The following SMAD4 variants were observed in gnomAD, a reference collection of about 807,000 sequenced individuals.
SMAD4 encodes the protein SMAD family member 4.
A neutral mutation model predicts 63.2 loss-of-function variants in SMAD4; 7 were observed. The ratio of observed to expected loss-of-function variants is 0.11; its 90% CI spans 0.06 to 0.21. The LOEUF (loss-of-function observed/expected upper bound fraction) is 0.21, where lower values mean the gene tolerates loss of function less well. Among genes scored for constraint, SMAD4 ranks in the 10% least tolerant of loss-of-function variants. The probability of loss-of-function intolerance (pLI) is 1.00; values close to 1 mark genes in which losing one functional copy is unlikely to be tolerated. For synonymous variants in SMAD4, 215 were observed against 235.4 expected, an observed-to-expected ratio of 0.91 and a Z score of 0.79; for missense variants, 312 against 693.8, an observed-to-expected ratio of 0.45 and a Z score of 6.18.
chr18:51,073,276 G>A (rs541601503), intron 10 of SMAD4, among the ~76,000 whole-genome samples: 69 of 149,626 alleles, frequency 4.6e-4, no homozygotes, highest in Middle Eastern at 6.9e-3. Flanking sequence ...TAAATGACTC[G>A]TGGGGGTGGG....
chr18:51,080,012 G>T lies in SMAD4; in HGVS notation c.*1545G>T, dbSNP rs969842987. 27 of 227,948 alleles carry T rather than the reference G, an allele frequency of 1.2e-4. No homozygotes were observed. Among genetic ancestry groups the T allele is most frequent in the Admixed American group, 1.7e-4 (3 of 17,576 alleles). 14.1% of individuals were successfully genotyped at this position (227,948 alleles called of 1,614,324 possible). A position where few individuals can be genotyped will look rare whatever the true frequency, so the allele number is the denominator to read the frequency against. ...ATTTTACTATAGCAGAAATAGACCT[G>T]ATTATCTACAAGATGATAAATAGAT... is the stretch of plus-strand genomic sequence containing the variant. On this transcript the variant is annotated 3_prime_UTR_variant, in exon 12 of 12. Coordinates refer to ENST00000342988, the MANE Select transcript of SMAD4 (RefSeq NM_005359.6).
At chr18:51,039,881 T>G (rs1190089566) in intron 1 of SMAD4, among the ~76,000 whole-genome samples, 1 of 152,184 alleles carries the variant, frequency 6.6e-6, no homozygotes, top group Non-Finnish European at 1.5e-5. Context: ...GTCATTCATC[T>G]TAAAAGTTAA....
chr18:51,033,953 C>G (rs966465422), intron 1 of SMAD4, among the ~76,000 whole-genome samples: 4 of 152,090 alleles, frequency 2.6e-5, no homozygotes, highest in Non-Finnish European at 5.9e-5. Flanking sequence ...TGATGAGTTG[C>G]TACTGCAAAT....
intron 2 of SMAD4, among the ~76,000 whole-genome samples, chr18:51,047,720 T>A (rs1216790042): frequency 6.6e-6 from 1 of 151,788 alleles, no homozygotes; most frequent in Non-Finnish European, 1.5e-5. Context: ...GCAATCCTCC[T>A]GCCTCAGCCT....
chr18:51,052,989 T>C (rs768221511), intron 4 of SMAD4: 1 of 152,408 alleles, frequency 6.6e-6, no homozygotes, highest in Non-Finnish European at 1.5e-5. Context: ...ACATTTATTA[T>C]GGATTATCTG....
intron 8 of SMAD4, among the ~76,000 whole-genome samples, chr18:51,062,851 GTTTTTTTTTTT>G (rs71171374): frequency 1.5e-5 from 1 of 65,386 alleles, no homozygotes; most frequent in Non-Finnish European, 2.7e-5. Flanking sequence ...GGCTTTACTT[GTTTTTTTTTTT>G]TTTTTTTTTT....
At position 51,054,788 on chromosome 18, in the gene SMAD4, A is replaced by G. The variant is rs2144417764; in HGVS notation, c.462A>G (p.Ser154=). The G allele has an allele frequency of 6.2e-7, 1 of 1,609,900 alleles. No individual in the cohort carries two copies. Among genetic ancestry groups the G allele is most frequent in the Non-Finnish European group, 8.5e-7 (1 of 1,176,106 alleles). Residue 154 remains serine (S), a synonymous_variant, in exon 5 of 12, where the codon TCA becomes TCG. Coordinates refer to ENST00000342988, the MANE Select transcript of SMAD4 (RefSeq NM_005359.6). ...SGLTLQSNAP[S]SMMVKDEYVH... is the part of the protein sequence containing the mutation. ...GTTTAATTTTCTATATAGCTCCATCAAGTATGATGGTGAAGGATGAATATG... is the reference window on the plus strand; with the variant it reads ...GTTTAATTTTCTATATAGCTCCATCGAGTATGATGGTGAAGGATGAATATG...
rs751539807 is a variant in SMAD4 at position 51,076,640 on chromosome 18, C to G, written c.1311C>G (p.Val437=). 2.5e-6 allele frequency: 4 copies of G among 1,613,580 alleles called. No homozygotes were observed. The highest frequency in any genetic ancestry group is 2.5e-6 in the Non-Finnish European group (3 of 1,179,694). Residue 437 remains valine (V), a splice_region_variant and synonymous_variant, in exon 11 of 12, where the codon GTC becomes GTG. Transcript: ENST00000342988. ...TATGAAATGTTTTTTCTTAAAAGGT[C>G]TTTGATTTGCGTCAGTGTCATCGAC... ...HKIYPSAYIK[V]FDLRQCHRQM...
chr18:51,044,465 C>T (rs1301872726), intron 1 of SMAD4, among the ~76,000 whole-genome samples: 1 of 152,186 alleles, frequency 6.6e-6, no homozygotes, highest in Non-Finnish European at 1.5e-5. Context: ...AATCACAGCT[C>T]ACCAAGGCCT....
intron 4 of SMAD4, among the ~76,000 whole-genome samples, chr18:51,051,704 C>T (rs899446106): frequency 6.6e-6 from 1 of 152,102 alleles, no homozygotes; most frequent in African/African-American, 2.4e-5. Context: ...GGTGCTGTGT[C>T]CTGGTTGCTG....
intron 1 of SMAD4, among the ~76,000 whole-genome samples, chr18:51,046,253 G>A (rs1404299393): frequency 6.6e-6 from 1 of 151,988 alleles, no homozygotes; most frequent in Non-Finnish European, 1.5e-5. Flanking sequence ...CCAATTTCTC[G>A]GCTTCTTCAA....
intron 1 of SMAD4, among the ~76,000 whole-genome samples, chr18:51,043,143 A>G (rs1909439003): frequency 6.6e-6 from 1 of 152,198 alleles, no homozygotes; most frequent in Middle Eastern, 3.2e-3. Context: ...AGTAGTTTAG[A>G]ATTTTGTTTC....
rs547197185 is a variant in SMAD4 at position 51,082,360 on chromosome 18, T to C, written c.*3893T>C. 4.0e-5 allele frequency: 9 copies of C among 227,464 alleles called. No individual in the cohort carries two copies. The highest frequency in any genetic ancestry group is 1.6e-4 in the African/African-American group (7 of 45,138). 14.1% of individuals were successfully genotyped at this position (227,464 alleles called of 1,614,324 possible). ...TCCATTTTTTTCCCTGATAACTAAG[T>C]AATTTCTTTGAACATACCAAGAAGT... On this transcript the variant is annotated 3_prime_UTR_variant, in exon 12 of 12. Transcript: ENST00000342988.
At chr18:51,046,344 T>C (rs1909540875) in intron 1 of SMAD4, among the ~76,000 whole-genome samples, 1 of 152,174 alleles carries the variant, frequency 6.6e-6, no homozygotes, top group Admixed American at 6.5e-5. Flanking sequence ...TTCATTTCCA[T>C]AATGTCTAAT....
intron 8 of SMAD4, among the ~76,000 whole-genome samples, chr18:51,062,400 T>G (rs1268747450): frequency 6.6e-6 from 1 of 152,186 alleles, no homozygotes; most frequent in East Asian, 1.9e-4. Context: ...ACCCCATGAA[T>G]TTTGTCTCTG....
rs1012084008 is a variant in SMAD4, at chr18:51,060,334, A to G, written c.955+418A>G. 3.9e-5 allele frequency among the ~76,000 whole-genome samples: 6 copies of G among 152,236 alleles called. No homozygotes were observed. In the South Asian group the frequency reaches 6.2e-4, roughly 16 times the overall value. ...TCTGGTTAACTGGAATTTAGAAACT[A>G]TTTGATTAAATTGTATGCAAAAGAG... On this transcript the variant is annotated intron_variant, in intron 8 of 11. Coordinates refer to ENST00000342988, the MANE Select transcript of SMAD4 (RefSeq NM_005359.6).
At chr18:51,067,471 G>T (rs1409426855) in intron 10 of SMAD4, among the ~76,000 whole-genome samples, 1 of 151,996 alleles carries the variant, frequency 6.6e-6, no homozygotes, top group African/African-American at 2.4e-5. Context: ...GGAATGCAGT[G>T]GCGTGATCTC....
At chr18:51,032,661 C>T (rs1182404413) in intron 1 of SMAD4, among the ~76,000 whole-genome samples, 2 of 152,110 alleles carry the variant, frequency 1.3e-5, no homozygotes, top group African/African-American at 4.8e-5. Context: ...AGTCACACTC[C>T]AGCTCTCCCA....
Position 51,046,965 on chromosome 18 carries a change from G to T in SMAD4, c.-82G>T, listed in dbSNP as rs754523299. On this transcript the variant is annotated 5_prime_UTR_variant, in exon 2 of 12. Transcript: ENST00000342988. ...AACAATTTTCCTTGCAACGTTAGCTGTTGTTTTTCACTGTTTCCAAAGGAT... is the reference window on the plus strand; with the variant it reads ...AACAATTTTCCTTGCAACGTTAGCTTTTGTTTTTCACTGTTTCCAAAGGAT... 10 of 1,297,680 alleles carry T rather than the reference G, an allele frequency of 7.7e-6. No homozygotes were observed. The South Asian group carries it at 8.6e-5, about 11-fold the overall frequency. The allele number at this position is 1,297,680 out of a possible 1,614,324, so 80.4% of individuals were successfully genotyped here.
Sources: allele counts gnomAD v4.1 joint callset (sites outside exome capture counted in the v4.1 genomes callset), GRCh38; gene constraint gnomAD v4.1.1; transcripts MANE v1.5; gene names NCBI Gene and HGNC (gene_info 2026-07-23, HGNC 2026-07-21).